APOB: variants seen among roughly 807,000 people sequenced by gnomAD.
The protein encoded by APOB is apolipoprotein B.
A neutral mutation model predicts 314.1 loss-of-function variants in APOB; 153 were observed. The observed-to-expected ratio is 0.49, with a 90% CI of 0.43 to 0.56. The LOEUF (loss-of-function observed/expected upper bound fraction) is 0.56. APOB is among the 20% of genes least tolerant of loss of function. The pLI, the probability that APOB is intolerant of heterozygous loss-of-function variation, is 0.00. For missense variants in APOB, 5,430 were observed against 5,350.7 expected (o/e 1.01, Z -0.46); for synonymous variants, 2,087 against 2,036.4 (o/e 1.02, Z -0.67).
At chr2:21,040,022 C>A (rs954648873) in intron 4 of APOB, among the ~76,000 whole-genome samples, 1 of 152,142 alleles carries the variant, frequency 6.6e-6, no homozygotes, top group Non-Finnish European at 1.5e-5. Flanking sequence ...GTGGGAGGGA[C>A]CCGGGGGGAG....
At chr2:21,029,582 C>T in intron 12 of APOB, 57 bp downstream of exon 12, 1 of 1,588,116 alleles carries the variant, frequency 6.3e-7, no homozygotes, top group Non-Finnish European at 8.6e-7. Context: ...TCCCCTAGTA[C>T]CTTCCAAATC....
intron 17 of APOB, among the ~76,000 whole-genome samples, 178 bp from the exon 18 acceptor site, chr2:21,023,220 G>T (rs1284267642): frequency 6.6e-6 from 1 of 152,134 alleles, no homozygotes; most frequent in Non-Finnish European, 1.5e-5. Flanking sequence ...TAGAGTTGGA[G>T]TATACTACCC....
At chr2:21,035,778 A>G in intron 6 of APOB, 70 bp from the exon 7 acceptor site, 1 of 1,520,632 alleles carries the variant, frequency 6.6e-7, no homozygotes, top group Non-Finnish European at 9.1e-7. Context: ...TTTACCTTCA[A>G]GGTAGAAGGG....
rs768312911 is a variant in APOB, at chr2:21,008,432, T to C, written c.8436A>G (p.Ala2812=). 6.2e-7 allele frequency: 1 copy of C among 1,614,144 alleles called. No homozygotes were observed. Among genetic ancestry groups the C allele is most frequent in the South Asian group, 1.1e-5 (1 of 91,082 alleles). Residue 2812 remains alanine (A), a synonymous_variant, in exon 26 of 29, where the codon GCA becomes GCG. Coordinates refer to ENST00000233242, the MANE Select transcript of APOB (RefSeq NM_000384.3). ...GATTAATCTTAGGGTTTGAGAGTTG[T>C]GCATTTGCTTGAAAATCAAAATTGA... ...EVLNFDFQAN[A]QLSNPKINPL...
Position 21,033,263 on chromosome 2 carries a change from AG to A in APOB, c.1124+35del, listed in dbSNP as rs72653062. ...TTTGAAAGTTCAGTCAGTTACCATC[AG>A]TTTTATAAAAAGTTGAGCTGTAACC... On this transcript the variant is annotated intron_variant, in intron 9 of 28. Transcript: ENST00000233242. The A allele has an allele frequency of 2.4e-4, 368 of 1,536,290 alleles. 1 individual carries two copies. In the African/African-American group the frequency reaches 4.7e-3, roughly 19 times the overall value.
Position 21,003,079 on chromosome 2 carries a change from C to A in APOB, c.12343G>T (p.Val4115Phe), listed in dbSNP as rs765681925. 3.0e-5 allele frequency: 48 copies of A among 1,579,750 alleles called. No homozygotes were observed. Among genetic ancestry groups the A allele is most frequent in the Middle Eastern group, 3.4e-4 (2 of 5,904 alleles). The change falls in exon 29 of 29, where the codon GTT becomes TTT. Residue 4115 changes from valine to phenylalanine, a missense_variant. Coordinates refer to ENST00000233242, the MANE Select transcript of APOB (RefSeq NM_000384.3). The stretch of plus-strand genomic sequence containing the variant: ...ATTTGCCTAATGGCCCCTTGATAAA[C>A]CCACTCAGCATTGTTCTGCAGATTT... ...RRNLQNNAEW[V>F]YQGAIRQIDD...
In APOB at chr2:21,004,383, C is replaced by T. The variant is rs1663070998; in HGVS notation, c.11973G>A (p.Gln3991=). ...AGGTGGAGATGCCTTTCTTGTCTTT[C>T]TGGTAGCGCAGATGGAGATCGGTGA... ...PAFTDLHLRY[Q]KDKKGISTSA... The change falls in exon 28 of 29, where the codon CAG becomes CAA. Residue 3991 remains glutamine, a synonymous_variant. Transcript: ENST00000233242. 1 of 1,613,878 alleles carries T rather than the reference C, an allele frequency of 6.2e-7. No individual in the cohort carries two copies. The highest frequency in any genetic ancestry group is 1.7e-5 in the Admixed American group (1 of 59,954).
Position 21,008,739 on chromosome 2 carries a change from T to A in APOB, c.8129A>T (p.Asp2710Val), listed in dbSNP as rs771882254. ...DIPLARITLPDFRLPEIAIPE... is the reference protein window; with the variant it reads ...DIPLARITLPVFRLPEIAIPE... ...AATTGCGATTTCTGGTAAACGGAAG[T>A]CTGGCAGGGTGATTCTCGCTAGAGG... The change falls in exon 26 of 29, where the codon GAC becomes GTC. Residue 2710 changes from aspartate (D) to valine (V), a missense_variant. Asp to Val is a radical substitution (Grantham distance 152). Around this residue, in one of 3 missense-constraint regions of APOB, gnomAD observed 3,281 missense variants for 3,171.0 expected, o/e 1.03. Transcript: ENST00000233242. 1.2e-5 allele frequency: 20 copies of A among 1,613,948 alleles called. No individual in the cohort carries two copies. The highest frequency in any genetic ancestry group is 1.6e-5 in the Non-Finnish European group (19 of 1,179,978).
intron 5 of APOB, 136 bp from the exon 6 acceptor site, chr2:21,037,391 A>G (rs926721770): frequency 4.0e-6 from 4 of 1,002,822 alleles, no homozygotes; most frequent in East Asian, 2.6e-5. Context: ...TTTTCTTCCT[A>G]TGCAGAGTGT....
In APOB at chr2:21,010,884, T is replaced by G. The variant is rs1166311048; in HGVS notation, c.5984A>C (p.Asp1995Ala). ...ATCTTTAGTGTTGTAAGCATCCAAGTCCTGGCTGTATTCATTGTTGTTAAA... is the reference window on the plus strand; with the variant it reads ...ATCTTTAGTGTTGTAAGCATCCAAGGCCTGGCTGTATTCATTGTTGTTAAA... ...TQFNNNEYSQ[D>A]LDAYNTKDKI... Residue 1995 changes from aspartate (D) to alanine (A), a missense_variant, in exon 26 of 29, where the codon GAC becomes GCC. This residue lies in a region of APOB where 3,281 missense variants were observed against 3,171.0 expected (regional missense o/e 1.03). Transcript: ENST00000233242. 1 of 1,613,988 alleles carries G rather than the reference T, an allele frequency of 6.2e-7. No homozygotes were observed. Among genetic ancestry groups the G allele is most frequent in the African/African-American group, 1.3e-5 (1 of 74,894 alleles).
intron 7 of APOB, 51 bp from the exon 8 acceptor site, chr2:21,034,952 C>A (rs1279650932): frequency 1.1e-6 from 1 of 924,814 alleles, no homozygotes; most frequent in Non-Finnish European, 1.8e-6. Flanking sequence ...ACATACTATT[C>A]TTTCCATGTT....
intron 4 of APOB, among the ~76,000 whole-genome samples, chr2:21,040,515 G>A (rs1664103981): frequency 6.6e-6 from 1 of 152,150 alleles, no homozygotes; most frequent in Non-Finnish European, 1.5e-5. Flanking sequence ...CCTAGGAGGG[G>A]GAGCCACCGA....
rs1326403277 is a variant in APOB at position 21,011,852 on chromosome 2, A to G, written c.5016T>C (p.Asn1672=). The change falls in exon 26 of 29, where the codon AAT becomes AAC. Residue 1672 remains asparagine, a synonymous_variant. Transcript: ENST00000233242. ...ATGCCCCAGAGAGGCCAAGCTCTGC[A>G]TTCAGCTCATTCTCCAGCACCAGGA... is the stretch of plus-strand genomic sequence containing the variant. ...CSLLVLENEL[N]AELGLSGASM... is the part of the protein sequence containing the mutation. 2 of 1,613,756 alleles carry G rather than the reference A, an allele frequency of 1.2e-6. No individual in the cohort carries two copies. The highest frequency in any genetic ancestry group is 2.7e-5 in the African/African-American group (2 of 74,800).
Position 21,002,268 on chromosome 2 carries a change from C to T in APOB, c.13154G>A (p.Arg4385His), listed in dbSNP as rs533755016. ...QQIHQYIMAL[R>H]EEYFDPSIVG... Reference sequence around the variant, plus strand: ...TATACTTGGATCAAAATATTCTTCACGAAGGGCCATAATGTATTGATGGAT... The same window carrying T: ...TATACTTGGATCAAAATATTCTTCATGAAGGGCCATAATGTATTGATGGAT... The change falls in exon 29 of 29, where the codon CGT becomes CAT. Residue 4385 changes from arginine (R) to histidine (H), a missense_variant. Coordinates refer to ENST00000233242, the MANE Select transcript of APOB (RefSeq NM_000384.3). 5.8e-5 allele frequency: 93 copies of T among 1,613,798 alleles called. No homozygotes were observed. The highest frequency in any genetic ancestry group is 1.8e-4 in the East Asian group (8 of 44,878).
intron 10 of APOB, among the ~76,000 whole-genome samples, chr2:21,030,795 T>C (rs566674422): frequency 6.6e-6 from 1 of 152,014 alleles, no homozygotes; most frequent in East Asian, 1.9e-4. Flanking sequence ...GCAAAGGACA[T>C]GAATAGACAT....
intron 24 of APOB, 21 bp from the exon 25 acceptor site, chr2:21,013,554 A>G (rs765288506): frequency 6.2e-7 from 1 of 1,613,854 alleles, no homozygotes; most frequent in Middle Eastern, 1.7e-4. Context: ...CAACAAAGAT[A>G]ACATCCCCAC....
At position 21,004,403 on chromosome 2, in the gene APOB, C is replaced by A; in HGVS notation, c.11953G>T (p.Asp3985Tyr). ...TCTTTCTGGTAGCGCAGATGGAGAT[C>A]GGTGAACGCTGGGCTTTTGATATTG... Reference protein sequence around the residue: ...HLNIKSPAFTDLHLRYQKDKK... With the variant: ...HLNIKSPAFTYLHLRYQKDKK... Residue 3985 changes from aspartate (D) to tyrosine (Y), a missense_variant, in exon 28 of 29, where the codon GAT becomes TAT. Physicochemically the swap from Asp to Tyr is radical, Grantham distance 160. Coordinates refer to ENST00000233242, the MANE Select transcript of APOB (RefSeq NM_000384.3). 6.2e-7 allele frequency: 1 copy of A among 1,614,004 alleles called. No homozygotes were observed. Among genetic ancestry groups the A allele is most frequent in the South Asian group, 1.1e-5 (1 of 91,072 alleles).
In APOB at chr2:21,009,379, G is replaced by A. The variant is rs1188654362; in HGVS notation, c.7489C>T (p.Gln2497Ter). ...TKITLIINWL[Q>*]EALSSASLAH... ...AAAGATGCTGAACTTAAAGCCTCCT[G>A]TAACCAATTGATGATTAAGGTTATT... Residue 2497 changes from glutamine to a stop codon, truncating the protein, a stop_gained, in exon 26 of 29, where the codon CAG becomes TAG. Coordinates refer to ENST00000233242, the MANE Select transcript of APOB (RefSeq NM_000384.3). LOFTEE classifies it high-confidence loss of function. 6.2e-7 allele frequency: 1 copy of A among 1,613,950 alleles called. No homozygotes were observed. Among genetic ancestry groups the A allele is most frequent in the Non-Finnish European group, 8.5e-7 (1 of 1,179,964 alleles).
In APOB at chr2:21,007,058, G is replaced by A. The variant is rs138010392; in HGVS notation, c.9810C>T (p.Phe3270=). 6.6e-5 allele frequency: 107 copies of A among 1,613,980 alleles called. No individual in the cohort carries two copies. In the African/African-American group the frequency reaches 9.1e-4, roughly 14 times the overall value. The change falls in exon 26 of 29, where the codon TTC becomes TTT. Residue 3270 remains phenylalanine, a synonymous_variant. Coordinates refer to ENST00000233242, the MANE Select transcript of APOB (RefSeq NM_000384.3). ...VSPFTIEMSA[F]GYVFPKAVSM... is the part of the protein sequence containing the mutation. ...TGACTGCTTTTGGGAACACATAGCC[G>A]AATGCCGACATCTCTATGGTGAATG...
Sources: gnomAD v4.1 joint callset for allele counts (sites outside exome capture counted in the v4.1 genomes callset) on GRCh38, gnomAD v4.1.1 for gene constraint, gnomAD v4.1.1 regional missense constraint, MANE v1.5 for transcripts, NCBI Gene and HGNC (gene_info 2026-07-23, HGNC 2026-07-21) for gene names.